Variants in ENTREP2 observed in about 807,000 individuals in gnomAD.
The protein encoded by ENTREP2 is protein ENTREP2.
At chr15:29,277,369 A>C in the ENTREP2 span, among the ~76,000 whole-genome samples, 1 of 151,716 alleles carries the variant, frequency 6.6e-6, no homozygotes, top group South Asian at 2.1e-4. Flanking sequence ...AGTACAAATG[A>C]GCTAATCAAT....
At chr15:29,311,609 C>T in the ENTREP2 span, among the ~76,000 whole-genome samples, 1 of 152,074 alleles carries the variant, frequency 6.6e-6, no homozygotes, top group African/African-American at 2.4e-5. Context: ...AGAGTCGCTA[C>T]AACCTGGGTG....
chr15:29,661,507 G>A, the ENTREP2 span, among the ~76,000 whole-genome samples: 2 of 152,240 alleles, frequency 1.3e-5, no homozygotes, highest in Non-Finnish European at 2.9e-5. Context: ...CCGAGAAGAT[G>A]TAATTTTATC....
the ENTREP2 span, among the ~76,000 whole-genome samples, chr15:29,605,200 G>A: frequency 2.0e-5 from 3 of 152,282 alleles, no homozygotes; most frequent in East Asian, 3.9e-4. Flanking sequence ...TGTAAAACTG[G>A]AGCAAAGAGA....
chr15:29,557,575 C>G, the ENTREP2 span, among the ~76,000 whole-genome samples: 1 of 152,164 alleles, frequency 6.6e-6, no homozygotes, highest in South Asian at 2.1e-4. Context: ...TGATGTGGGT[C>G]CCCATCGGAG....
chr15:29,637,630 C>T, the ENTREP2 span, among the ~76,000 whole-genome samples: 55 of 152,262 alleles, frequency 3.6e-4, no homozygotes, highest in East Asian at 0.01. Context: ...AATTTCATAA[C>T]CTCAAGGGAC....
the ENTREP2 span, among the ~76,000 whole-genome samples, chr15:29,649,727 C>CAAAAAAAAAA: frequency 9.1e-4 from 61 of 66,768 alleles, no homozygotes; most frequent in African/African-American, 1.9e-3. Flanking sequence ...TCAACAACAA[C>CAAAAAAAAAA]AAAAAAAAAA....
At chr15:29,476,459 A>G in the ENTREP2 span, among the ~76,000 whole-genome samples, 1 of 152,174 alleles carries the variant, frequency 6.6e-6, no homozygotes, top group African/African-American at 2.4e-5. Flanking sequence ...ACAGCTACTC[A>G]GTGGCTGCTG....
At chr15:29,480,030 G>C in the ENTREP2 span, among the ~76,000 whole-genome samples, 9 of 152,054 alleles carry the variant, frequency 5.9e-5, no homozygotes, top group Non-Finnish European at 1.2e-4. Flanking sequence ...TAAAAAATTT[G>C]CTTGTTCACT....
At chr15:29,515,510 C>T in the ENTREP2 span, among the ~76,000 whole-genome samples, 7 of 152,134 alleles carry the variant, frequency 4.6e-5, no homozygotes, top group African/African-American at 1.7e-4. Flanking sequence ...GCTATCTGGG[C>T]ATCTGTTAGC....
chr15:29,274,822 T>C, the ENTREP2 span, among the ~76,000 whole-genome samples: 1 of 152,198 alleles, frequency 6.6e-6, no homozygotes, highest in Non-Finnish European at 1.5e-5. Flanking sequence ...ACAGGAGCGC[T>C]TGTTAGGGAA....
chr15:29,154,395 T>G, the ENTREP2 span, among the ~76,000 whole-genome samples: 9 of 152,128 alleles, frequency 5.9e-5, no homozygotes, highest in Admixed American at 5.9e-4. Context: ...TGATGGAGTT[T>G]TAACAGTCGA....
At chr15:29,409,406 AC>A in the ENTREP2 span, among the ~76,000 whole-genome samples, 1 of 151,814 alleles carries the variant, frequency 6.6e-6, no homozygotes, top group Non-Finnish European at 1.5e-5. Flanking sequence ...GCTCACTGCA[AC>A]CTCCACCTCC....
the ENTREP2 span, among the ~76,000 whole-genome samples, chr15:29,655,369 T>C: frequency 6.6e-6 from 1 of 152,268 alleles, no homozygotes. Context: ...AACTCAAATA[T>C]CACCTATATT....
chr15:29,125,092 G>A, the ENTREP2 span, among the ~76,000 whole-genome samples: 2 of 152,208 alleles, frequency 1.3e-5, no homozygotes, highest in Admixed American at 1.3e-4. Flanking sequence ...GTGCACATCA[G>A]CCTAGCCAAG....
the ENTREP2 span, among the ~76,000 whole-genome samples, chr15:29,416,585 G>C: frequency 2.0e-5 from 3 of 152,112 alleles, no homozygotes; most frequent in Non-Finnish European, 2.9e-5. Flanking sequence ...ACATAGGCAT[G>C]GGCAAAGACT....
the ENTREP2 span, among the ~76,000 whole-genome samples, chr15:29,335,899 T>C: frequency 5.9e-5 from 9 of 152,126 alleles, no homozygotes; most frequent in African/African-American, 1.9e-4. Context: ...CCCAGCACTT[T>C]GGGAGGCCGA....
At chr15:29,386,019 ACTCCAGGGGAAGACAC>A in the ENTREP2 span, among the ~76,000 whole-genome samples, 1 of 151,482 alleles carries the variant, frequency 6.6e-6, no homozygotes, top group Non-Finnish European at 1.5e-5. Context: ...GGCCGGCCTG[ACTCCAGGGGAAGACAC>A]CTTCCCACTC....
the ENTREP2 span, among the ~76,000 whole-genome samples, chr15:29,210,831 A>G: frequency 6.6e-6 from 1 of 152,222 alleles, no homozygotes; most frequent in Non-Finnish European, 1.5e-5. Context: ...TCCCACCGTA[A>G]TGGACTACAA....
the ENTREP2 span, among the ~76,000 whole-genome samples, chr15:29,245,462 G>A: frequency 3.8e-3 from 571 of 151,770 alleles, 1 homozygote; most frequent in African/African-American, 0.013. Flanking sequence ...GTTAAAATAC[G>A]TAAATGAATA....
Sources: gnomAD v4.1 joint callset for allele counts (sites outside exome capture counted in the v4.1 genomes callset) on GRCh38, gnomAD v4.1.1 for gene constraint, MANE v1.5 for transcripts, NCBI Gene and HGNC (gene_info 2026-07-23, HGNC 2026-07-21) for gene names.